MAGI2: variants seen among roughly 807,000 people sequenced by gnomAD.
MAGI2 encodes the protein membrane associated guanylate kinase, WW and PDZ domain containing 2, also known as membrane-associated guanylate kinase, WW and PDZ domain-containing protein 2.
MAGI2 carries 35 observed loss-of-function variants against 133.3 expected under a neutral mutation model. The ratio of observed to expected loss-of-function variants is 0.26; its 90% CI spans 0.20 to 0.35. The LOEUF is 0.35. Ranked by LOEUF, MAGI2 falls within the 10% of genes least tolerant of loss-of-function variation. The pLI, the probability that MAGI2 is intolerant of heterozygous loss-of-function variation, is 1.00. For synonymous variants in MAGI2, 729 were observed against 710.6 expected (o/e 1.03, Z -0.41); for missense variants, 1,636 against 1,863.4 (o/e 0.88, Z 2.25).
At chr7:79,109,850 C>G (rs1818768536) in intron 1 of MAGI2, among the ~76,000 whole-genome samples, 1 of 150,500 alleles carries the variant, frequency 6.6e-6, no homozygotes, top group Admixed American at 6.7e-5. Flanking sequence ...TGGAGGCCAC[C>G]AAGCCTTCTT....
intron 3 of MAGI2, among the ~76,000 whole-genome samples, chr7:78,581,148 C>A (rs1414948354): frequency 6.6e-6 from 1 of 152,126 alleles, no homozygotes; most frequent in Non-Finnish European, 1.5e-5. Flanking sequence ...TTGGTGAGTG[C>A]CAGCAGAAAT....
At chr7:78,944,658 G>A (rs758034331) in intron 2 of MAGI2, among the ~76,000 whole-genome samples, 2 of 151,912 alleles carry the variant, frequency 1.3e-5, no homozygotes, top group Admixed American at 6.6e-5. Flanking sequence ...TGTACCACCC[G>A]CCCACTAGCA....
intron 6 of MAGI2, among the ~76,000 whole-genome samples, chr7:78,456,226 G>A (rs948105191): frequency 6.6e-6 from 1 of 152,080 alleles, no homozygotes; most frequent in Non-Finnish European, 1.5e-5. Flanking sequence ...AGTGAGTTTT[G>A]TTGTTATTGG....
chr7:79,102,787 T>A (rs1399847796), intron 1 of MAGI2, among the ~76,000 whole-genome samples: 4 of 152,230 alleles, frequency 2.6e-5, no homozygotes, highest in Non-Finnish European at 5.9e-5. Flanking sequence ...TCTTTTGATG[T>A]GTCGGCTTGG....
intron 1 of MAGI2, among the ~76,000 whole-genome samples, chr7:79,336,524 C>A (rs1221185103): frequency 6.6e-6 from 1 of 152,114 alleles, no homozygotes; most frequent in South Asian, 2.1e-4. Context: ...TTATGCAGTA[C>A]AGTATTTCAT....
Position 78,313,018 on chromosome 7 carries a change from T to C in MAGI2, c.1408+30760A>G, listed in dbSNP as rs550414379. ...AATACCACTCAGCCATAAAAATGAA[T>C]GAAATCATAAAAAAGAGCGAAATCA... On this transcript the variant is annotated intron_variant, in intron 9 of 21. Transcript: ENST00000354212. 1.3e-4 allele frequency among the ~76,000 whole-genome samples: 19 copies of C among 151,342 alleles called. No individual in the cohort carries two copies. In the South Asian group the frequency reaches 3.8e-3, roughly 30 times the overall value.
intron 2 of MAGI2, among the ~76,000 whole-genome samples, chr7:78,647,436 C>A (rs2151003448): frequency 6.6e-6 from 1 of 152,172 alleles, no homozygotes; most frequent in Middle Eastern, 3.4e-3. Context: ...AAATCAAAAC[C>A]ACAATGAGAT....
In MAGI2 at chr7:78,317,679, G is replaced by C. The variant is rs187164347; in HGVS notation, c.1408+26099C>G. On this transcript the variant is annotated intron_variant, in intron 9 of 21. Coordinates refer to ENST00000354212, the MANE Select transcript of MAGI2 (RefSeq NM_012301.4). ...CTCCTCAAGTGGGTCCCTGACCCCC[G>C]TGTATCCTGACTGGGAGACACCTCT... Among the ~76,000 whole-genome samples, 37 of 152,296 alleles carry C rather than the reference G, an allele frequency of 2.4e-4. No individual in the cohort carries two copies. The East Asian group carries it at 6.8e-3, about 28-fold the overall frequency.
intron 1 of MAGI2, among the ~76,000 whole-genome samples, chr7:79,367,974 C>G (rs147990087): frequency 9.3e-4 from 141 of 151,088 alleles, no homozygotes; most frequent in African/African-American, 3.2e-3. Flanking sequence ...ATCATCACCA[C>G]GCCTTGACCC....
At chr7:78,829,041 T>G (rs1790905730) in intron 2 of MAGI2, among the ~76,000 whole-genome samples, 1 of 152,150 alleles carries the variant, frequency 6.6e-6, no homozygotes, top group Non-Finnish European at 1.5e-5. Context: ...AACTTTAAAT[T>G]TATTAATCTC....
chr7:78,115,098 G>A (rs1247659831), intron 20 of MAGI2, among the ~76,000 whole-genome samples: 1 of 152,218 alleles, frequency 6.6e-6, no homozygotes, highest in East Asian at 1.9e-4. Flanking sequence ...AGCAAAGTGA[G>A]AATAAGACTC....
intron 21 of MAGI2, among the ~76,000 whole-genome samples, chr7:78,076,847 C>T (rs1472865616): frequency 5.2e-5 from 5 of 95,684 alleles, no homozygotes; most frequent in Non-Finnish European, 9.4e-5. Flanking sequence ...AGCGAGACTC[C>T]GTCTCAAAAA....
chr7:79,072,778 A>G (rs1815107053), intron 1 of MAGI2, among the ~76,000 whole-genome samples: 1 of 152,236 alleles, frequency 6.6e-6, no homozygotes, highest in Non-Finnish European at 1.5e-5. Flanking sequence ...TTTGCATGAC[A>G]TGTAGAACAC....
intron 6 of MAGI2, among the ~76,000 whole-genome samples, chr7:78,384,660 A>G (rs1429870041): frequency 1.3e-5 from 2 of 152,204 alleles, no homozygotes; most frequent in Non-Finnish European, 2.9e-5. Flanking sequence ...TGTTTACAAG[A>G]AAATCCTACT....
At chr7:79,115,029 G>A (rs576118160) in intron 1 of MAGI2, among the ~76,000 whole-genome samples, 5 of 152,156 alleles carry the variant, frequency 3.3e-5, no homozygotes, top group South Asian at 2.1e-4. Flanking sequence ...GTAAACCATC[G>A]TCCTGCTCTC....
rs1191685400 is a variant in MAGI2, at chr7:79,324,640, TAA to T, written c.301+128378_301+128379del. ...ATATAATATATATATTATATATATA[TAA>T]AATATATATATATTATATATATATA... On this transcript the variant is annotated intron_variant, in intron 1 of 21. Transcript: ENST00000354212. Among the ~76,000 whole-genome samples, 15 of 39,580 alleles carry T rather than the reference TAA, an allele frequency of 3.8e-4. 6 individuals carry two copies. The highest frequency in any genetic ancestry group is 1.6e-3 in the African/African-American group (13 of 8,172). 26.0% of individuals were successfully genotyped at this position (39,580 alleles called of 152,430 possible).
chr7:78,303,965 AC>A (rs1299246045), intron 9 of MAGI2, among the ~76,000 whole-genome samples: 2 of 152,008 alleles, frequency 1.3e-5, no homozygotes, highest in Non-Finnish European at 2.9e-5. Context: ...CCCACTCCCC[AC>A]CAAGCTATTC....
rs2192653 is a variant in MAGI2, at chr7:78,554,973, T to G, written c.539-33328A>C. On this transcript the variant is annotated intron_variant, in intron 3 of 21. Coordinates refer to ENST00000354212, the MANE Select transcript of MAGI2 (RefSeq NM_012301.4). ...CCAGCCTGGGCAAGATGGTGAAACC[T>G]CATGTCTACAAATTAAAACAAAAAA... 7.9e-3 allele frequency among the ~76,000 whole-genome samples: 1,198 copies of G among 151,886 alleles called. 60 individuals are homozygous for G. Among genetic ancestry groups the G allele is most frequent in the Admixed American group, 0.07 (1,073 of 15,234 alleles).
At chr7:79,342,896 A>G (rs1013185464) in intron 1 of MAGI2, among the ~76,000 whole-genome samples, 8 of 152,042 alleles carry the variant, frequency 5.3e-5, no homozygotes, top group African/African-American at 1.9e-4. Flanking sequence ...AGTAGCTGGG[A>G]TTACAGGCAC....
Sources: gnomAD v4.1 joint callset for allele counts (sites outside exome capture counted in the v4.1 genomes callset) on GRCh38, gnomAD v4.1.1 for gene constraint, MANE v1.5 for transcripts, NCBI Gene and HGNC (gene_info 2026-07-23, HGNC 2026-07-21) for gene names.